Variants in NTNG2 observed in about 807,000 individuals in gnomAD.
The protein encoded by NTNG2 is netrin-G2.
A neutral mutation model predicts 47.6 loss-of-function variants in NTNG2; 15 were observed. The observed-to-expected ratio is 0.32, with a 90% CI of 0.21 to 0.49. The LOEUF (loss-of-function observed/expected upper bound fraction) is 0.49, where lower values mean the gene tolerates loss of function less well. Ranked by LOEUF, NTNG2 falls within the 20% of genes least tolerant of loss-of-function variation. NTNG2 has a pLI of 0.99. For synonymous variants in NTNG2, 307 were observed against 324.6 expected (o/e 0.95, Z 0.58); for missense variants, 578 against 764.6 (o/e 0.76, Z 2.88).
intron 3 of NTNG2, among the ~76,000 whole-genome samples, chr9:132,223,279 C>T (rs1435083974): frequency 1.3e-5 from 2 of 152,178 alleles, no homozygotes; most frequent in African/African-American, 2.4e-5. Flanking sequence ...ACGCAGGGGC[C>T]GCTGTTTCCC....
chr9:132,183,121 C>T (rs2131369640), intron 2 of NTNG2, among the ~76,000 whole-genome samples: 1 of 152,322 alleles, frequency 6.6e-6, no homozygotes, highest in South Asian at 2.1e-4. Flanking sequence ...CAGAGCCTCT[C>T]TCACATCTGA....
chr9:132,238,945 C>T (rs554227773), intron 5 of NTNG2, 159 bp from the exon 6 acceptor site: 39 of 724,872 alleles, frequency 5.4e-5, no homozygotes, highest in South Asian at 3.0e-4. Flanking sequence ...TTCCTGAATC[C>T]GATGGAAGGG....
At chr9:132,178,961 CAAAAAAAAAAAA>C in intron 2 of NTNG2, among the ~76,000 whole-genome samples, 1 of 82,320 alleles carries the variant, frequency 1.2e-5, no homozygotes, top group South Asian at 4.4e-4. Context: ...GACTCGGTCT[CAAAAAAAAAAAA>C]AAAAAAAAAC....
chr9:132,162,111 G>C lies in NTNG2; in HGVS notation c.-612G>C, dbSNP rs1185737667. On this transcript the variant is annotated 5_prime_UTR_variant, in exon 1 of 8. Transcript: ENST00000393229. This position sits in a 1 kb window ranked among gnomAD's most constrained non-coding sequence, Gnocchi z 4.6. ...CAGCGGCGGGAGCGGCGCGGGGAAGGAGCAGCGGCTCGCAGCCCTCGGCCC... is the reference window on the plus strand; with the variant it reads ...CAGCGGCGGGAGCGGCGCGGGGAAGCAGCAGCGGCTCGCAGCCCTCGGCCC... 6.6e-6 allele frequency: 1 copy of C among 151,650 alleles called. No homozygotes were observed. Among genetic ancestry groups the C allele is most frequent in the Non-Finnish European group, 1.5e-5 (1 of 67,728 alleles). 9.4% of individuals were successfully genotyped at this position (151,650 alleles called of 1,614,324 possible). A position where few individuals can be genotyped will look rare whatever the true frequency, so the allele number is the denominator to read the frequency against.
chr9:132,196,094 C>T (rs766663146), intron 2 of NTNG2, among the ~76,000 whole-genome samples: 1 of 152,084 alleles, frequency 6.6e-6, no homozygotes, highest in Non-Finnish European at 1.5e-5. Context: ...ATTGTTGATA[C>T]ATTATTATTA....
intron 3 of NTNG2, among the ~76,000 whole-genome samples, chr9:132,216,414 C>CTGTGTGTGTG (rs1177821281): frequency 3.6e-5 from 4 of 110,288 alleles, no homozygotes; most frequent in African/African-American, 2.0e-4. Flanking sequence ...CTCTCTCTCT[C>CTGTGTGTGTG]TGTGTGTGTG....
In NTNG2 at chr9:132,243,944, T is replaced by A. The variant is rs1842124927; in HGVS notation, c.*1833T>A. 1 of 152,400 alleles carries A rather than the reference T, an allele frequency of 6.6e-6. No individual in the cohort carries two copies. Among genetic ancestry groups the A allele is most frequent in the Non-Finnish European group, 1.5e-5 (1 of 68,130 alleles). 9.4% of individuals were successfully genotyped at this position (152,400 alleles called of 1,614,324 possible). A position where few individuals can be genotyped will look rare whatever the true frequency, so the allele number is the denominator to read the frequency against. ...CATCCTCCTGCAGCTGGCCCATCTC[T>A]ACCCTCACATTCTTCCTTACGCACA... On this transcript the variant is annotated 3_prime_UTR_variant, in exon 8 of 8. Transcript: ENST00000393229.
chr9:132,230,302 C>T (rs1589539460), intron 4 of NTNG2, among the ~76,000 whole-genome samples: 3 of 152,238 alleles, frequency 2.0e-5, no homozygotes, highest in Admixed American at 1.3e-4. Flanking sequence ...GGGCAAGTCA[C>T]GGCTCTGAGA....
At chr9:132,211,787 A>G (rs986133876) in intron 3 of NTNG2, among the ~76,000 whole-genome samples, 6 of 152,150 alleles carry the variant, frequency 3.9e-5, no homozygotes, top group African/African-American at 1.4e-4. Context: ...TACCATAGCT[A>G]TGCACGTACA....
chr9:132,228,518 C>T (rs558233791), intron 4 of NTNG2, among the ~76,000 whole-genome samples: 2 of 152,112 alleles, frequency 1.3e-5, no homozygotes, highest in South Asian at 4.1e-4. Flanking sequence ...GCTCTCTCTT[C>T]CCTCCTCTCT....
At chr9:132,174,932 AG>A in intron 2 of NTNG2, among the ~76,000 whole-genome samples, 1 of 150,556 alleles carries the variant, frequency 6.6e-6, no homozygotes, top group African/African-American at 2.5e-5. Flanking sequence ...AAAAAAAAAA[AG>A]TGTATTTTTA....
In NTNG2 at chr9:132,182,938, C is replaced by T. The variant is rs1266435333; in HGVS notation, c.214-15028C>T. ...TCAGCAGCCTCTCTGGGCGGCCCAGCAGGAGGAGGCATTAAACCTCCCCAG... is the reference window on the plus strand; with the variant it reads ...TCAGCAGCCTCTCTGGGCGGCCCAGTAGGAGGAGGCATTAAACCTCCCCAG... On this transcript the variant is annotated intron_variant, in intron 2 of 7. Transcript: ENST00000393229. The surrounding 1 kb of genome is among the most constrained non-coding windows in gnomAD (Gnocchi z 4.2). Among the ~76,000 whole-genome samples the T allele has an allele frequency of 2.0e-5, 3 of 152,110 alleles. No individual in the cohort carries two copies. The highest frequency in any genetic ancestry group is 4.4e-5 in the Non-Finnish European group (3 of 68,012).
Position 132,166,472 on chromosome 9 carries a change from G to A in NTNG2, c.-360G>A, listed in dbSNP as rs752954662. 23 of 309,078 alleles carry A rather than the reference G, an allele frequency of 7.4e-5. No homozygotes were observed. The highest frequency in any genetic ancestry group is 1.4e-4 in the Non-Finnish European group (22 of 158,948). 19.1% of individuals were successfully genotyped at this position (309,078 alleles called of 1,614,324 possible). ...ATCCAGCCTCATGCAGGATCCCTGC[G>A]GATTTTCTCCTTATCCCATTTCCAT... On this transcript the variant is annotated 5_prime_UTR_variant, in exon 2 of 8. Coordinates refer to ENST00000393229, the MANE Select transcript of NTNG2 (RefSeq NM_032536.4).
At position 132,242,976 on chromosome 9, in the gene NTNG2, T is replaced by C. The variant is rs1224924103; in HGVS notation, c.*865T>C. 6.6e-6 allele frequency: 1 copy of C among 152,230 alleles called. No individual in the cohort carries two copies. Among genetic ancestry groups the C allele is most frequent in the Non-Finnish European group, 1.5e-5 (1 of 68,054 alleles). The allele number at this position is 152,230 out of a possible 1,614,324, so 9.4% of individuals were successfully genotyped here. A position where few individuals can be genotyped will look rare whatever the true frequency, so the allele number is the denominator to read the frequency against. On this transcript the variant is annotated 3_prime_UTR_variant, in exon 8 of 8. Coordinates refer to ENST00000393229, the MANE Select transcript of NTNG2 (RefSeq NM_032536.4). This position sits in a 1 kb window ranked among gnomAD's most constrained non-coding sequence, Gnocchi z 5.9. ...CCTTTCTGTGGATTCCAGCAGGCAG[T>C]GCCCCCTCCCCGCAGGCTTGGCTGG...
At chr9:132,193,436 T>C (rs1838044309) in intron 2 of NTNG2, among the ~76,000 whole-genome samples, 1 of 151,878 alleles carries the variant, frequency 6.6e-6, no homozygotes, top group Non-Finnish European at 1.5e-5. Flanking sequence ...AGGAGGCACA[T>C]GTGGGAGGGC....
chr9:132,230,958 G>A (rs112597656), intron 5 of NTNG2, among the ~76,000 whole-genome samples: 1 of 151,998 alleles, frequency 6.6e-6, no homozygotes, highest in Non-Finnish European at 1.5e-5. Context: ...TGCCACCCAC[G>A]CCACTTCTCT....
At chr9:132,194,255 G>C (rs1199378312) in intron 2 of NTNG2, among the ~76,000 whole-genome samples, 1 of 152,184 alleles carries the variant, frequency 6.6e-6, no homozygotes, top group Admixed American at 6.5e-5. Context: ...AGTTCTTGGA[G>C]CATCTGCCCA....
intron 2 of NTNG2, among the ~76,000 whole-genome samples, chr9:132,191,846 C>T (rs1309339968): frequency 6.6e-6 from 1 of 152,234 alleles, no homozygotes; most frequent in Non-Finnish European, 1.5e-5. Flanking sequence ...GCTTGGATTA[C>T]GGGCGTGAGC....
chr9:132,230,770 T>TC (rs992474302), intron 5 of NTNG2, among the ~76,000 whole-genome samples, 175 bp downstream of exon 5: 5 of 64,424 alleles, frequency 7.8e-5, no homozygotes, highest in Admixed American at 1.7e-4. Flanking sequence ...CCCCTCCACC[T>TC]CCCCCCCTCC....
Sources: allele counts gnomAD v4.1 joint callset (sites outside exome capture counted in the v4.1 genomes callset), GRCh38; gene constraint gnomAD v4.1.1; non-coding constraint Gnocchi (gnomAD v3.1); transcripts MANE v1.5; gene names NCBI Gene and HGNC (gene_info 2026-07-23, HGNC 2026-07-21).